Variants in RAB28 observed in about 807,000 individuals in gnomAD.
RAB28 encodes RAB28, member RAS oncogene family.
RAB28 carries 24 observed loss-of-function variants against 31.7 expected under a neutral mutation model. The observed-to-expected ratio is 0.76, with a 90% CI of 0.55 to 1.06. The LOEUF (loss-of-function observed/expected upper bound fraction) is 1.06. Among genes scored for constraint, RAB28 ranks in the 50% least tolerant of loss-of-function variants. RAB28 has a pLI of 0.00. For missense variants in RAB28, 254 were observed against 258.5 expected (o/e 0.98, Z 0.12); for synonymous variants, 100 against 90.4 (o/e 1.11, Z -0.60).
At chr4:13,482,780 G>T (rs776837085) in intron 1 of RAB28, among the ~76,000 whole-genome samples, 4 of 151,978 alleles carry the variant, frequency 2.6e-5, no homozygotes, top group Non-Finnish European at 5.9e-5. Context: ...AGACAAGAAA[G>T]AAACAAAAAA....
intron 2 of RAB28, 138 bp from the exon 3 acceptor site, chr4:13,474,544 A>G (rs979865267): frequency 6.3e-6 from 3 of 473,240 alleles, no homozygotes; most frequent in Non-Finnish European, 1.1e-5. Flanking sequence ...GCAGGCTCAC[A>G]TGATATTTGG....
chr4:13,410,184 CT>C (rs1434592715), intron 4 of RAB28, among the ~76,000 whole-genome samples: 1 of 152,120 alleles, frequency 6.6e-6, no homozygotes, highest in Non-Finnish European at 1.5e-5. Flanking sequence ...AACCTCTTTT[CT>C]TTATAAATTA....
chr4:13,405,612 T>G (rs1712034263), intron 4 of RAB28, among the ~76,000 whole-genome samples: 1 of 152,150 alleles, frequency 6.6e-6, no homozygotes, highest in Non-Finnish European at 1.5e-5. Context: ...CATTTATGAA[T>G]AAAATTCATA....
rs548607942 is a variant in RAB28 at position 13,428,701 on chromosome 4, G to A, written c.391+31998C>T. On this transcript the variant is annotated intron_variant, in intron 4 of 6. Coordinates refer to ENST00000330852, the MANE Select transcript of RAB28 (RefSeq NM_001017979.3). ...GGAGAGCACCAAGTATTCCTCTCCA[G>A]TAGAGGAAAGAAAAAAGCAGAAAGG... is the stretch of plus-strand genomic sequence containing the variant. Among the ~76,000 whole-genome samples the A allele has an allele frequency of 2.6e-5, 4 of 152,238 alleles. No individual in the cohort carries two copies. The East Asian group carries it at 5.8e-4, about 22-fold the overall frequency.
chr4:13,436,675 C>T (rs1714130342), intron 4 of RAB28, among the ~76,000 whole-genome samples: 1 of 152,056 alleles, frequency 6.6e-6, no homozygotes, highest in African/African-American at 2.4e-5. Flanking sequence ...CTGAGGAAAA[C>T]TACAAAACAC....
intron 4 of RAB28, among the ~76,000 whole-genome samples, chr4:13,399,699 T>G (rs1162873808): frequency 6.6e-6 from 1 of 152,218 alleles, no homozygotes; most frequent in Admixed American, 6.5e-5. Flanking sequence ...TATATTTATA[T>G]GTCTTTCTTC....
At chr4:13,415,410 GGCGGGAA>G in intron 4 of RAB28, among the ~76,000 whole-genome samples, 1 of 152,306 alleles carries the variant, frequency 6.6e-6, no homozygotes, top group South Asian at 2.1e-4. Context: ...GAGAGGCGCA[GGCGGGAA>G]CCGGGGCTGC....
At chr4:13,427,856 C>T (rs951769568) in intron 4 of RAB28, among the ~76,000 whole-genome samples, 3 of 152,064 alleles carry the variant, frequency 2.0e-5, no homozygotes, top group Non-Finnish European at 2.9e-5. Context: ...CAGGACAAGC[C>T]GCGACAAAAC....
chr4:13,370,589 G>A lies in RAB28; in HGVS notation c.574-1939C>T, dbSNP rs1728679395. Reference sequence around the variant, plus strand: ...AAGGAGTAATTAATTATCTTTGAAGGTGGGGAGAGGAATGAAGACATCAGA... The same window carrying A: ...AAGGAGTAATTAATTATCTTTGAAGATGGGGAGAGGAATGAAGACATCAGA... On this transcript the variant is annotated intron_variant, in intron 6 of 6. Coordinates refer to ENST00000330852, the MANE Select transcript of RAB28 (RefSeq NM_001017979.3). The A allele has an allele frequency of 3.1e-6, 3 of 971,740 alleles. No individual in the cohort carries two copies. The Admixed American group carries it at 1.9e-4, about 60-fold the overall frequency. The allele number at this position is 971,740 out of a possible 1,614,324, so 60.2% of individuals were successfully genotyped here.
At chr4:13,447,625 C>T (rs1279340895) in intron 4 of RAB28, among the ~76,000 whole-genome samples, 3 of 152,110 alleles carry the variant, frequency 2.0e-5, no homozygotes, top group South Asian at 2.1e-4. Context: ...TTTAAAAAAG[C>T]GATTTAGAGC....
At chr4:13,478,551 C>T (rs1716467656) in intron 2 of RAB28, among the ~76,000 whole-genome samples, 1 of 151,552 alleles carries the variant, frequency 6.6e-6, no homozygotes. Flanking sequence ...ATGTATTAAA[C>T]CCCTTCCCAC....
chr4:13,387,462 C>T (rs1348110216), intron 4 of RAB28, among the ~76,000 whole-genome samples: 1 of 151,950 alleles, frequency 6.6e-6, no homozygotes, highest in Admixed American at 6.6e-5. Flanking sequence ...ATTTCTGTTG[C>T]CCTTTAATGG....
At chr4:13,438,072 C>T (rs1714220755) in intron 4 of RAB28, among the ~76,000 whole-genome samples, 1 of 151,962 alleles carries the variant, frequency 6.6e-6, no homozygotes, top group South Asian at 2.1e-4. Context: ...GAGGCCATTA[C>T]CCTAAGTCAA....
intron 4 of RAB28, among the ~76,000 whole-genome samples, 168 bp downstream of exon 4, chr4:13,460,531 G>A (rs1715539375): frequency 6.6e-6 from 1 of 152,048 alleles, no homozygotes; most frequent in African/African-American, 2.4e-5. Context: ...TCATTCTTAA[G>A]GGCTCCACTC....
At chr4:13,413,649 T>C (rs1560282733) in intron 4 of RAB28, among the ~76,000 whole-genome samples, 1 of 152,142 alleles carries the variant, frequency 6.6e-6, no homozygotes, top group African/African-American at 2.4e-5. Flanking sequence ...AAATTATGCA[T>C]GATGTATAAA....
chr4:13,449,411 C>A (rs543686226), intron 4 of RAB28, among the ~76,000 whole-genome samples: 1 of 151,896 alleles, frequency 6.6e-6, no homozygotes, highest in Admixed American at 6.5e-5. Context: ...CTTTTAAAAG[C>A]CTGCTGATAA....
chr4:13,467,243 C>T (rs868181987), intron 3 of RAB28, among the ~76,000 whole-genome samples: 1 of 151,662 alleles, frequency 6.6e-6, no homozygotes, highest in African/African-American at 2.4e-5. Context: ...TTAATTATTT[C>T]ACATTGTATT....
At chr4:13,440,561 G>A (rs1049212043) in intron 4 of RAB28, among the ~76,000 whole-genome samples, 92 of 151,630 alleles carry the variant, frequency 6.1e-4, no homozygotes, top group African/African-American at 2.0e-3. Context: ...TGGTTTCCTC[G>A]TTAGAAAATA....
chr4:13,459,141 G>A (rs1715459500), intron 4 of RAB28, among the ~76,000 whole-genome samples: 1 of 152,042 alleles, frequency 6.6e-6, no homozygotes, highest in Non-Finnish European at 1.5e-5. Flanking sequence ...CAAGTTCTGT[G>A]GCTTTTGGAC....
Sources: allele counts gnomAD v4.1 joint callset (sites outside exome capture counted in the v4.1 genomes callset), GRCh38; gene constraint gnomAD v4.1.1; transcripts MANE v1.5; gene names NCBI Gene and HGNC (gene_info 2026-07-23, HGNC 2026-07-21).